Variants in HMGCLL1 observed in about 807,000 individuals in gnomAD.
HMGCLL1 encodes the protein 3-hydroxy-3-methylglutaryl-CoA lyase like 1.
Under a neutral mutation model 39.1 loss-of-function variants are expected in HMGCLL1, and 36 were observed. That is an observed-to-expected ratio of 0.92 (90% confidence interval 0.71 to 1.22). The LOEUF (loss-of-function observed/expected upper bound fraction) is 1.22. Ranked by LOEUF, HMGCLL1 falls within the 50% of genes most tolerant of loss-of-function variation. The probability of loss-of-function intolerance (pLI) is 0.00; values close to 1 mark genes in which losing one functional copy is unlikely to be tolerated. For synonymous variants in HMGCLL1, 149 were observed against 144.0 expected, an observed-to-expected ratio of 1.03 and a Z score of -0.25; for missense variants, 451 against 416.5, an observed-to-expected ratio of 1.08 and a Z score of -0.72.
At chr6:55,669,430 C>T in the HMGCLL1 span, among the ~76,000 whole-genome samples, 1 of 151,826 alleles carries the variant, frequency 6.6e-6, no homozygotes, top group Non-Finnish European at 1.5e-5. Context: ...TTAAACAAGA[C>T]TCAGCCCCAC....
intron 1 of HMGCLL1, among the ~76,000 whole-genome samples, chr6:55,574,925 TA>T (rs990161081): frequency 1.3e-5 from 2 of 152,024 alleles, no homozygotes; most frequent in Non-Finnish European, 2.9e-5. Flanking sequence ...TAATCTCACA[TA>T]ATCTACTACT....
chr6:55,642,306 C>T, the HMGCLL1 span, among the ~76,000 whole-genome samples: 6 of 151,272 alleles, frequency 4.0e-5, no homozygotes, highest in African/African-American at 1.5e-4. Flanking sequence ...TCCAGTCTAT[C>T]ATTGTTGGAC....
At chr6:55,530,117 A>G (rs1337819827) in intron 3 of HMGCLL1, among the ~76,000 whole-genome samples, 1 of 152,018 alleles carries the variant, frequency 6.6e-6, no homozygotes, top group Non-Finnish European at 1.5e-5. Flanking sequence ...TACTAGAAAT[A>G]TATTTCTTAC....
chr6:55,448,927 C>T lies in HMGCLL1; in HGVS notation c.796-9368G>A, dbSNP rs73444922. On this transcript the variant is annotated intron_variant, in intron 7 of 8. Coordinates refer to ENST00000274901, the MANE Select transcript of HMGCLL1 (RefSeq NM_001042406.2). ...GAAACATCTCAGATGTTAACATATC[C>T]AGCTTCAGTCACAGTGGCTCCCTCA... Among the ~76,000 whole-genome samples the T allele has an allele frequency of 5.6e-3, 851 of 152,252 alleles. 9 individuals are homozygous for T. The highest frequency in any genetic ancestry group is 0.019 in the African/African-American group (782 of 41,556).
upstream of HMGCLL1, among the ~76,000 whole-genome samples, chr6:55,582,089 C>A (rs1302033329): frequency 1.3e-5 from 2 of 152,116 alleles, no homozygotes; most frequent in Non-Finnish European, 2.9e-5. Context: ...ATCTGTTTGA[C>A]AAGCAACACC....
intron 8 of HMGCLL1, 73 bp downstream of exon 8, chr6:55,439,361 C>T (rs978903173): frequency 1.1e-5 from 16 of 1,449,094 alleles, no homozygotes; most frequent in Admixed American, 3.9e-5. Context: ...AAATTGCTTC[C>T]CACATCTTAG....
intron 7 of HMGCLL1, among the ~76,000 whole-genome samples, chr6:55,473,894 C>T (rs1167179618): frequency 6.6e-6 from 1 of 151,490 alleles, no homozygotes; most frequent in Non-Finnish European, 1.5e-5. Flanking sequence ...AGGTTCTACA[C>T]TGGTGGGTTT....
intron 1 of HMGCLL1, among the ~76,000 whole-genome samples, chr6:55,546,826 T>C (rs1770004426): frequency 6.6e-6 from 1 of 152,102 alleles, no homozygotes; most frequent in Non-Finnish European, 1.5e-5. Context: ...CTGTTTAATG[T>C]GCAGTGTAGT....
chr6:55,672,528 TC>T, the HMGCLL1 span, among the ~76,000 whole-genome samples: 2 of 151,968 alleles, frequency 1.3e-5, no homozygotes, highest in South Asian at 4.1e-4. Context: ...GCATTCTCTT[TC>T]CTTGAAGACA....
chr6:55,668,666 A>C, the HMGCLL1 span, among the ~76,000 whole-genome samples: 256 of 152,002 alleles, frequency 1.7e-3, no homozygotes, highest in Non-Finnish European at 3.0e-3. Flanking sequence ...AACTCAAGGC[A>C]GCCAAAAACC....
intron 7 of HMGCLL1, among the ~76,000 whole-genome samples, chr6:55,442,358 T>C (rs1294351147): frequency 2.6e-5 from 4 of 152,140 alleles, no homozygotes; most frequent in Non-Finnish European, 5.9e-5. Context: ...CATAGCTAAT[T>C]ATAGGTAATT....
intron 7 of HMGCLL1, among the ~76,000 whole-genome samples, chr6:55,467,445 A>G (rs1327402617): frequency 1.3e-5 from 2 of 152,010 alleles, no homozygotes; most frequent in Non-Finnish European, 2.9e-5. Flanking sequence ...TTTATATCCA[A>G]TCCCAACTAG....
chr6:55,609,702 T>C, the HMGCLL1 span, among the ~76,000 whole-genome samples: 111 of 152,266 alleles, frequency 7.3e-4, no homozygotes, highest in African/African-American at 2.5e-3. Context: ...AATGGGTCCT[T>C]GTTCCCATGC....
At chr6:55,675,094 G>A in the HMGCLL1 span, among the ~76,000 whole-genome samples, 126 of 152,190 alleles carry the variant, frequency 8.3e-4, 1 homozygote, top group African/African-American at 3.0e-3. Flanking sequence ...CAATAACATT[G>A]TAAATAAATA....
At chr6:55,575,315 A>T (rs1186731088) in intron 1 of HMGCLL1, among the ~76,000 whole-genome samples, 1 of 152,088 alleles carries the variant, frequency 6.6e-6, no homozygotes, top group Non-Finnish European at 1.5e-5. Context: ...GTGATAGAAT[A>T]AGCCTTTCAT....
upstream of HMGCLL1, among the ~76,000 whole-genome samples, chr6:55,580,985 G>A (rs529743203): frequency 1.3e-5 from 2 of 152,026 alleles, no homozygotes; most frequent in African/African-American, 4.8e-5. Flanking sequence ...TCTGCAACAG[G>A]GAACATGATA....
At chr6:55,650,029 A>T in the HMGCLL1 span, among the ~76,000 whole-genome samples, 1 of 142,126 alleles carries the variant, frequency 7.0e-6, no homozygotes, top group Non-Finnish European at 1.5e-5. Context: ...TCCTCAAAGC[A>T]GCTATTTTGA....
chr6:55,558,801 T>C (rs376831621), intron 1 of HMGCLL1, among the ~76,000 whole-genome samples: 45 of 152,202 alleles, frequency 3.0e-4, no homozygotes, highest in African/African-American at 8.7e-4. Flanking sequence ...GAGCTGCTCC[T>C]TGGCTCTTTA....
chr6:55,474,198 C>T (rs1309012682), intron 7 of HMGCLL1, among the ~76,000 whole-genome samples: 1 of 151,486 alleles, frequency 6.6e-6, no homozygotes. Context: ...AATATTTATG[C>T]TACTGTGTTC....
Sources: allele counts gnomAD v4.1 joint callset (sites outside exome capture counted in the v4.1 genomes callset), GRCh38; gene constraint gnomAD v4.1.1; transcripts MANE v1.5; gene names NCBI Gene and HGNC (gene_info 2026-07-23, HGNC 2026-07-21).